MGAT4D: variants seen among roughly 807,000 people sequenced by gnomAD.
MGAT4D encodes the protein alpha-1,3-mannosyl-glycoprotein 4-beta-N-acetylglucosaminyltransferase-like protein MGAT4D.
In MGAT4D, 34 loss-of-function variants were observed where a neutral mutation model predicts 15.9. The observed-to-expected ratio is 2.14, with a 90% CI of 1.62 to 2.84. MGAT4D has a LOEUF of 2.84. Among genes scored for constraint, MGAT4D ranks in the 30% most tolerant of loss-of-function variants. The pLI is 0.00. For synonymous variants in MGAT4D, 112 were observed against 48.2 expected (o/e 2.33, Z -5.49); for missense variants, 327 against 140.2 (o/e 2.33, Z -6.73).
intron 9 of MGAT4D, among the ~76,000 whole-genome samples, chr4:140,455,616 G>C (rs1006866718): frequency 2.0e-5 from 3 of 152,114 alleles, no homozygotes; most frequent in Admixed American, 1.3e-4. Flanking sequence ...TCTCCTTGCT[G>C]GGTTTCTGCC....
intron 3 of MGAT4D, among the ~76,000 whole-genome samples, chr4:140,476,253 A>G (rs1260749370): frequency 6.6e-6 from 1 of 152,118 alleles, no homozygotes; most frequent in Non-Finnish European, 1.5e-5. Context: ...TGTCAGTTAT[A>G]TGTGTTATTA....
At chr4:140,493,195 T>C (rs560275593) in intron 1 of MGAT4D, among the ~76,000 whole-genome samples, 2 of 152,164 alleles carry the variant, frequency 1.3e-5, no homozygotes, top group African/African-American at 4.8e-5. Context: ...AGTTACCCGA[T>C]GCCTCGGCTA....
chr4:140,451,451 C>T lies in MGAT4D; in HGVS notation c.1075G>A (p.Gly359Ser). Residue 359 changes from glycine (G) to serine (S), a missense_variant, in exon 10 of 11, where the codon GGT becomes AGT. Transcript: ENST00000511113. ...TTTCTAGGGAATGATGAATGTATAC[C>T]CACATGCTGGAAAAGAGAAGGTTTA... ...QYKPSLFQHV[G>S]IHSSFPRKEQ... 1.6e-6 allele frequency: 1 copy of T among 630,108 alleles called. No individual in the cohort carries two copies. The allele number at this position is 630,108 out of a possible 1,614,324, so 39.0% of individuals were successfully genotyped here.
rs1235961813 is a variant in MGAT4D at position 140,453,284 on chromosome 4, A to G, written c.1009-1767T>C. ...TAGAATCAGCTTTGGTAGAATATCT[A>G]CCAAAAAATTCCTGCTGAGATTTTG... On this transcript the variant is annotated intron_variant, in intron 9 of 10. Coordinates refer to ENST00000511113, the MANE Select transcript of MGAT4D (RefSeq NM_001277353.2). 2.0e-5 allele frequency among the ~76,000 whole-genome samples: 3 copies of G among 152,024 alleles called. No homozygotes were observed. The South Asian group carries it at 6.2e-4, about 31-fold the overall frequency.
intron 1 of MGAT4D, among the ~76,000 whole-genome samples, chr4:140,484,179 T>A (rs1732936807): frequency 6.6e-6 from 1 of 152,044 alleles, no homozygotes; most frequent in African/African-American, 2.4e-5. Context: ...GGTTAATATC[T>A]AAAATATATA....
intron 1 of MGAT4D, among the ~76,000 whole-genome samples, chr4:140,493,603 T>C (rs973238627): frequency 2.6e-5 from 4 of 152,282 alleles, no homozygotes; most frequent in African/African-American, 7.2e-5. Context: ...CCTGTTCCTT[T>C]ATTTTTTAAA....
intron 3 of MGAT4D, 105 bp from the exon 4 acceptor site, chr4:140,475,051 C>G (rs1246556546): frequency 2.4e-6 from 1 of 424,626 alleles, no homozygotes; most frequent in Non-Finnish European, 4.1e-6. Flanking sequence ...CTTACGGTAA[C>G]AAAATGAGTG....
rs185605838 is a variant in MGAT4D, at chr4:140,467,246, C to T, written c.573-2237G>A. 1.5e-4 allele frequency among the ~76,000 whole-genome samples: 23 copies of T among 150,456 alleles called. No homozygotes were observed. In the East Asian group the frequency reaches 3.5e-3, roughly 23 times the overall value. ...TTCCTTGGGGAATAGAAAATACTGGCGTAGAAAAAAAAAGAATGGAGAGTT... is the reference window on the plus strand; with the variant it reads ...TTCCTTGGGGAATAGAAAATACTGGTGTAGAAAAAAAAAGAATGGAGAGTT... On this transcript the variant is annotated intron_variant, in intron 5 of 10. Transcript: ENST00000511113.
At chr4:140,461,899 A>T (rs758646799) in intron 7 of MGAT4D, 30 bp downstream of exon 7, 1 of 686,976 alleles carries the variant, frequency 1.5e-6, no homozygotes, top group South Asian at 1.6e-5. Flanking sequence ...ACACACACAC[A>T]CACACACACA....
intron 1 of MGAT4D, among the ~76,000 whole-genome samples, chr4:140,494,343 G>A (rs1354291102): frequency 3.3e-5 from 5 of 152,268 alleles, no homozygotes; most frequent in Non-Finnish European, 7.3e-5. Flanking sequence ...GAATGTTCTC[G>A]CAGCATTATT....
chr4:140,451,352 G>A, intron 10 of MGAT4D, 58 bp downstream of exon 10: 1 of 490,714 alleles, frequency 2.0e-6, no homozygotes, highest in East Asian at 3.2e-5. Context: ...TTTCTAAATA[G>A]TATTTTATAA....
At chr4:140,497,550 G>A (rs748652643) in intron 1 of MGAT4D, among the ~76,000 whole-genome samples, 2 of 152,304 alleles carry the variant, frequency 1.3e-5, no homozygotes, top group East Asian at 1.9e-4. Flanking sequence ...GTGTGGGAGC[G>A]GAACACAGGC....
intron 1 of MGAT4D, among the ~76,000 whole-genome samples, chr4:140,486,365 T>A (rs529876945): frequency 3.3e-5 from 5 of 152,302 alleles, no homozygotes; most frequent in East Asian, 1.9e-4. Context: ...ATTATTTTTT[T>A]AATTATACTT....
At chr4:140,461,594 T>C (rs1419232399) in intron 7 of MGAT4D, among the ~76,000 whole-genome samples, 1 of 152,132 alleles carries the variant, frequency 6.6e-6, no homozygotes, top group Non-Finnish European at 1.5e-5. Context: ...CTAATAAAAT[T>C]GTAAGCCAAG....
At chr4:140,466,666 C>T (rs756370622) in intron 5 of MGAT4D, among the ~76,000 whole-genome samples, 9 of 152,034 alleles carry the variant, frequency 5.9e-5, no homozygotes, top group Non-Finnish European at 8.8e-5. Context: ...AATGTTTTAA[C>T]ATACGTTTAA....
intron 5 of MGAT4D, among the ~76,000 whole-genome samples, chr4:140,467,200 T>A (rs573352116): frequency 4.1e-4 from 62 of 152,106 alleles, no homozygotes; most frequent in African/African-American, 1.4e-3. Context: ...AAAAGATTTT[T>A]AAAAAACGAA....
At chr4:140,480,999 C>T (rs543382643) in intron 2 of MGAT4D, among the ~76,000 whole-genome samples, 9 of 152,230 alleles carry the variant, frequency 5.9e-5, no homozygotes, top group Middle Eastern at 6.8e-3. Flanking sequence ...CAACATAAAG[C>T]TATGAGATAT....
In MGAT4D at chr4:140,443,182, G is replaced by A. The variant is rs1402784725; in HGVS notation, c.*254C>T. ...TCACTATCGAAGTCAATAAAGTGCA[G>A]TTCTTAATTTAAAAAAAACTTCCTT... On this transcript the variant is annotated 3_prime_UTR_variant, in exon 11 of 11. Transcript: ENST00000511113. The A allele has an allele frequency of 1.4e-5, 3 of 211,612 alleles. No homozygotes were observed. The highest frequency in any genetic ancestry group is 2.8e-5 in the Non-Finnish European group (3 of 108,584). The allele number at this position is 211,612 out of a possible 1,614,324, so 13.1% of individuals were successfully genotyped here.
intron 5 of MGAT4D, among the ~76,000 whole-genome samples, chr4:140,466,670 C>T (rs1021865837): frequency 1.5e-4 from 23 of 151,996 alleles, no homozygotes; most frequent in African/African-American, 2.2e-4. Context: ...TTTTAACATA[C>T]GTTTAAAGGT....
Sources: gnomAD v4.1 joint callset for allele counts (sites outside exome capture counted in the v4.1 genomes callset) on GRCh38, gnomAD v4.1.1 for gene constraint, MANE v1.5 for transcripts, NCBI Gene and HGNC (gene_info 2026-07-23, HGNC 2026-07-21) for gene names.